The following TTLL10 variants were observed in gnomAD, a reference collection of about 807,000 sequenced individuals.
The protein encoded by TTLL10 is inactive polyglycylase TTLL10.
TTLL10 carries 61 observed loss-of-function variants against 69.0 expected under a neutral mutation model. The ratio of observed to expected loss-of-function variants is 0.88; its 90% CI spans 0.72 to 1.09. The LOEUF is 1.09. TTLL10 is among the 50% of genes least tolerant of loss of function. The probability of loss-of-function intolerance (pLI) is 0.00; values close to 1 mark genes in which losing one functional copy is unlikely to be tolerated. For missense variants in TTLL10, 962 were observed against 945.9 expected, an observed-to-expected ratio of 1.02 and a Z score of -0.22; for synonymous variants, 408 against 393.3, an observed-to-expected ratio of 1.04 and a Z score of -0.44.
At chr1:1,188,159 A>G (rs1647482697) in intron 13 of TTLL10, among the ~76,000 whole-genome samples, 1 of 152,132 alleles carries the variant, frequency 6.6e-6, no homozygotes, top group Non-Finnish European at 1.5e-5. Flanking sequence ...AATTGACCAG[A>G]GCTGCAAGTG....
chr1:1,180,629 C>T (rs1647027007), intron 7 of TTLL10, 28 bp downstream of exon 7: 2 of 1,552,108 alleles, frequency 1.3e-6, no homozygotes, highest in Non-Finnish European at 1.7e-6. Flanking sequence ...CAGAGGCGGG[C>T]AGCCTGCAGG....
At chr1:1,197,218 A>G in intron 15 of TTLL10, 32 bp downstream of exon 15, 1 of 1,239,584 alleles carries the variant, frequency 8.1e-7, no homozygotes, top group Admixed American at 2.7e-5. Context: ...CCACACCCCC[A>G]CAACCTGCCC....
intron 9 of TTLL10, 140 bp from the exon 10 acceptor site, chr1:1,182,221 C>T: frequency 1.3e-6 from 1 of 744,520 alleles, no homozygotes; most frequent in Middle Eastern, 2.6e-4. Flanking sequence ...AACGCAAAGT[C>T]CCCACAAGGA....
At chr1:1,195,445 A>G (rs1353593437) in intron 13 of TTLL10, among the ~76,000 whole-genome samples, 1 of 147,628 alleles carries the variant, frequency 6.8e-6, no homozygotes, top group East Asian at 2.0e-4. Context: ...TCTCTTTTAT[A>G]ATTTTTCTCT....
chr1:1,181,930 T>G lies in TTLL10; in HGVS notation c.830+115T>G. ...TCCCACACAAAGGAAAACCACGAGC[T>G]AGAGTCAGAGGTTCAGCCAGGCCAG... On this transcript the variant is annotated intron_variant, in intron 9 of 15. Coordinates refer to ENST00000379289, the MANE Select transcript of TTLL10 (RefSeq NM_001130045.2). The surrounding 1 kb of genome is among the most constrained non-coding windows in gnomAD (Gnocchi z 4.6). The G allele has an allele frequency of 1.0e-6, 1 of 996,200 alleles. No individual in the cohort carries two copies. Among genetic ancestry groups the G allele is most frequent in the Non-Finnish European group, 1.5e-6 (1 of 661,356 alleles). 61.7% of individuals were successfully genotyped at this position (996,200 alleles called of 1,614,324 possible). A position where few individuals can be genotyped will look rare whatever the true frequency, so the allele number is the denominator to read the frequency against.
intron 13 of TTLL10, among the ~76,000 whole-genome samples, chr1:1,192,109 T>A (rs1487093547): frequency 6.6e-6 from 1 of 152,234 alleles, no homozygotes; most frequent in Non-Finnish European, 1.5e-5. Context: ...GCTCCCAACA[T>A]GTCTGTTAGG....
In TTLL10 at chr1:1,181,682, C is replaced by T; in HGVS notation, c.756-59C>T. The T allele has an allele frequency of 1.3e-6, 2 of 1,511,004 alleles. No individual in the cohort carries two copies. Among genetic ancestry groups the T allele is most frequent in the South Asian group, 2.4e-5 (2 of 81,962 alleles). 93.6% of individuals were successfully genotyped at this position (1,511,004 alleles called of 1,614,324 possible). A position where few individuals can be genotyped will look rare whatever the true frequency, so the allele number is the denominator to read the frequency against. ...CCATGCCCCATCCCCCAGTCCCCAC[C>T]CGCTCCAAGCACCATGAGCTGGCCC... On this transcript the variant is annotated intron_variant, in intron 8 of 15. Coordinates refer to ENST00000379289, the MANE Select transcript of TTLL10 (RefSeq NM_001130045.2). The surrounding 1 kb of genome is among the most constrained non-coding windows in gnomAD (Gnocchi z 4.6).
At chr1:1,175,173 C>T (rs947693041) in intron 3 of TTLL10, 4 of 161,068 alleles carry the variant, frequency 2.5e-5, no homozygotes, top group African/African-American at 9.7e-5. Flanking sequence ...CAGCTCACAA[C>T]TTATTTAGTT....
At position 1,183,019 on chromosome 1, in the gene TTLL10, C is replaced by T. The variant is rs532600952; in HGVS notation, c.1060C>T (p.Arg354Trp). 3.1e-5 allele frequency: 50 copies of T among 1,609,048 alleles called. No homozygotes were observed. The highest frequency in any genetic ancestry group is 2.0e-4 in the Admixed American group (12 of 59,684). Residue 354 changes from arginine (R) to tryptophan (W), a missense_variant, in exon 11 of 16, where the codon CGG (arginine) becomes TGG (tryptophan). Physicochemically the swap from Arg to Trp is moderately radical, Grantham distance 101. Coordinates refer to ENST00000379289, the MANE Select transcript of TTLL10 (RefSeq NM_001130045.2). ...CCCCATCCACCACAAGACGCCGTTCCGGGGGCCTCAGGCGCGGGTGGTGCA... is the reference window on the plus strand; with the variant it reads ...CCCCATCCACCACAAGACGCCGTTCTGGGGGCCTCAGGCGCGGGTGGTGCA... ...DDPIHHKTPF[R>W]GPQARVVQRY...
intron 13 of TTLL10, among the ~76,000 whole-genome samples, chr1:1,190,383 T>C (rs1162983294): frequency 6.6e-6 from 1 of 152,058 alleles, no homozygotes; most frequent in Non-Finnish European, 1.5e-5. Flanking sequence ...ATCTTTATTA[T>C]TTCCTTCTTA....
chr1:1,185,503 G>T lies in TTLL10; in HGVS notation c.1401+394G>T. The T allele has an allele frequency of 9.4e-7, 1 of 1,064,340 alleles. No individual in the cohort carries two copies. The highest frequency in any genetic ancestry group is 1.1e-6 in the Non-Finnish European group (1 of 880,726). The allele number at this position is 1,064,340 out of a possible 1,614,324, so 65.9% of individuals were successfully genotyped here. On this transcript the variant is annotated intron_variant, in intron 13 of 15. Transcript: ENST00000379289. This position sits in a 1 kb window ranked among gnomAD's most constrained non-coding sequence, Gnocchi z 6.1. ...TGTCCTGGAGCAGCAGCAGCTGCCC[G>T]TGCAGGCCCGGACTCTCCCTAGCTA...
In TTLL10 at chr1:1,197,847, G is replaced by C; in HGVS notation, c.2022G>C (p.Ter674TyrextTer?). 1 of 1,473,752 alleles carries C rather than the reference G, an allele frequency of 6.8e-7. No individual in the cohort carries two copies. Among genetic ancestry groups the C allele is most frequent in the Non-Finnish European group, 9.0e-7 (1 of 1,111,104 alleles). The allele number at this position is 1,473,752 out of a possible 1,614,324, so 91.3% of individuals were successfully genotyped here. A position where few individuals can be genotyped will look rare whatever the true frequency, so the allele number is the denominator to read the frequency against. Reference sequence around the variant, plus strand: ...AGGAGCCTGAGAACGCGAGGCCCTAGGGGCAGCCACCCGCGCCCAGCGCCC... The same window carrying C: ...AGGAGCCTGAGAACGCGAGGCCCTACGGGCAGCCACCCGCGCCCAGCGCCC... ...EREEPENARP[*>Y] Residue 674 changes from the stop codon to tyrosine (Y), a stop_lost, in exon 16 of 16, where the codon TAG (stop) becomes TAC (tyrosine). Coordinates refer to ENST00000379289, the MANE Select transcript of TTLL10 (RefSeq NM_001130045.2).
At chr1:1,188,961 T>A (rs1252837791) in intron 13 of TTLL10, among the ~76,000 whole-genome samples, 1 of 152,224 alleles carries the variant, frequency 6.6e-6, no homozygotes, top group Non-Finnish European at 1.5e-5. Flanking sequence ...GATTGTCCAT[T>A]GCTAGTGTAT....
chr1:1,179,155 C>T, intron 3 of TTLL10, 34 bp from the exon 4 acceptor site: 2 of 1,408,716 alleles, frequency 1.4e-6, no homozygotes, highest in South Asian at 2.9e-5. Context: ...CGCGGAGGTC[C>T]CACAGGAGGG....
chr1:1,179,020 C>T (rs972730517), intron 3 of TTLL10, among the ~76,000 whole-genome samples, 169 bp from the exon 4 acceptor site: 1 of 152,244 alleles, frequency 6.6e-6, no homozygotes, highest in Non-Finnish European at 1.5e-5. Context: ...CCAGGCCCCA[C>T]AGCTGCCACA....
intron 7 of TTLL10, 63 bp from the exon 8 acceptor site, chr1:1,180,668 T>C: frequency 6.4e-7 from 1 of 1,562,386 alleles, no homozygotes; most frequent in Non-Finnish European, 8.7e-7. Flanking sequence ...ACAGGGCAGG[T>C]TGGAGGGGTG....
At chr1:1,183,781 G>GC in intron 11 of TTLL10, 139 bp from the exon 12 acceptor site, 2 of 1,108,974 alleles carry the variant, frequency 1.8e-6, no homozygotes, top group South Asian at 1.4e-5. Flanking sequence ...GCCCAGAAAT[G>GC]CCCCCTTTCC....
intron 6 of TTLL10, 26 bp from the exon 7 acceptor site, chr1:1,180,457 G>GGGCCCCCCCCCCCC: frequency 6.6e-7 from 1 of 1,520,750 alleles, no homozygotes; most frequent in Non-Finnish European, 8.9e-7. Flanking sequence ...CGGCCCCCAG[G>GGGCCCCCCCCCCCC]TCACCCCCGC....
In TTLL10 at chr1:1,181,290, A is replaced by T. The variant is rs1482986009; in HGVS notation, c.755+430A>T. Among the ~76,000 whole-genome samples, 1 of 151,214 alleles carries T rather than the reference A, an allele frequency of 6.6e-6. No homozygotes were observed. The highest frequency in any genetic ancestry group is 1.5e-5 in the Non-Finnish European group (1 of 67,794). On this transcript the variant is annotated intron_variant, in intron 8 of 15. Coordinates refer to ENST00000379289, the MANE Select transcript of TTLL10 (RefSeq NM_001130045.2). The surrounding 1 kb of genome is among the most constrained non-coding windows in gnomAD (Gnocchi z 4.6). ...CCCCAAACATCCATCCAATCCATCC[A>T]CAATCCCACACCGTGCCCACCGTCA...
Sources: allele counts gnomAD v4.1 joint callset (sites outside exome capture counted in the v4.1 genomes callset), GRCh38; gene constraint gnomAD v4.1.1; non-coding constraint Gnocchi (gnomAD v3.1); transcripts MANE v1.5; gene names NCBI Gene and HGNC (gene_info 2026-07-23, HGNC 2026-07-21).